Variants in IRAG2 observed in about 807,000 individuals in gnomAD.
The protein encoded by IRAG2 is lymphoid restricted membrane protein.
In IRAG2, 45 loss-of-function variants were observed where a neutral mutation model predicts 69.9. The observed-to-expected ratio is 0.64, with a 90% CI of 0.51 to 0.83. The LOEUF (loss-of-function observed/expected upper bound fraction) is 0.83. Among genes scored for constraint, IRAG2 ranks in the 40% least tolerant of loss-of-function variants. The pLI is 0.00. For missense variants in IRAG2, 520 were observed against 587.0 expected, an observed-to-expected ratio of 0.89 and a Z score of 1.18; for synonymous variants, 193 against 202.4, an observed-to-expected ratio of 0.95 and a Z score of 0.40.
the IRAG2 span, among the ~76,000 whole-genome samples, chr12:24,998,685 C>G: frequency 2.0e-5 from 3 of 151,438 alleles, no homozygotes; most frequent in African/African-American, 7.3e-5. Context: ...TACACACATA[C>G]TTAAATTTTT....
At chr12:25,025,729 A>C (rs992100612) in intron 8 of IRAG2, among the ~76,000 whole-genome samples, 1 of 152,230 alleles carries the variant, frequency 6.6e-6, no homozygotes, top group African/African-American at 2.4e-5. Context: ...GAGTAGTTGC[A>C]GTGGAGGTGG....
rs1323350705 is a variant in IRAG2 at position 25,082,608 on chromosome 12, A to AAC, written c.245-813_245-812dup. 4.3e-3 allele frequency among the ~76,000 whole-genome samples: 345 copies of AAC among 79,372 alleles called. 3 individuals are homozygous for AAC. The highest frequency in any genetic ancestry group is 0.012 in the African/African-American group (323 of 27,750). The allele number at this position is 79,372 out of a possible 152,430, so 52.1% of individuals were successfully genotyped here. On this transcript the variant is annotated intron_variant, in intron 9 of 21. Coordinates refer to ENST00000556887, the MANE Select transcript of IRAG2 (RefSeq NM_001366544.2). ...GAGTGAGACCCTGTCTCAAAAAAAA[A>AAC]ACAAAAAACAAAAACAAACAAAACA...
In IRAG2 at chr12:25,073,643, C is replaced by T. The variant is rs74892346; in HGVS notation, c.24+4212C>T. 2.9e-3 allele frequency among the ~76,000 whole-genome samples: 445 copies of T among 152,278 alleles called. 5 individuals are homozygous for T. The highest frequency in any genetic ancestry group is 0.01 in the African/African-American group (426 of 41,554). On this transcript the variant is annotated intron_variant, in intron 6 of 21. Transcript: ENST00000556887. ...AAGGTTAATGTCTCAAAAAGAACAT[C>T]TCAAAGTAAAATAATTTGGAGCCCT...
exon 1 of IRAG2, chr12:25,004,346 C>T (rs1359506879): frequency 3.2e-6 from 4 of 1,232,022 alleles, no homozygotes; most frequent in Non-Finnish European, 4.0e-6. Context: ...TCAACAATGG[C>T]CTCTCCAAGG....
In IRAG2 at chr12:25,088,087, C is replaced by G. The variant is rs201255191; in HGVS notation, c.316-13C>G. On this transcript the variant is annotated splice_polypyrimidine_tract_variant and intron_variant, in intron 10 of 21. Transcript: ENST00000556887. ...TCCACTCTATGTACAGTGGTAAAAT[C>G]TTATGATTTTAGGAAGCCAAAGAGG... The G allele has an allele frequency of 6.9e-6, 11 of 1,596,334 alleles. No individual in the cohort carries two copies. Among genetic ancestry groups the G allele is most frequent in the Middle Eastern group, 3.3e-4 (2 of 6,026 alleles).
At chr12:25,038,784 G>T (rs1944724188) in intron 16 of IRAG2, among the ~76,000 whole-genome samples, 1 of 152,164 alleles carries the variant, frequency 6.6e-6, no homozygotes, top group African/African-American at 2.4e-5. Flanking sequence ...AGAGGACTAA[G>T]GCATGAAGAG....
intron 4 of IRAG2, among the ~76,000 whole-genome samples, chr12:25,064,816 G>A (rs1040384032): frequency 2.0e-5 from 3 of 152,192 alleles, no homozygotes; most frequent in East Asian, 1.9e-4. Flanking sequence ...CTGGCCAGGT[G>A]CAGTGGCTCA....
Position 25,089,644 on chromosome 12 carries a change from C to G in IRAG2, c.404C>G (p.Thr135Ser). Residue 135 changes from threonine to serine, a missense_variant, in exon 12 of 22, where the codon ACT (threonine) becomes AGT (serine). Coordinates refer to ENST00000556887, the MANE Select transcript of IRAG2 (RefSeq NM_001366544.2). ...DSVVSPLPVT[T>S]VKSVNLRQSE... is the part of the protein sequence containing the mutation. ...GTGGTTTCCCCTCTTCCTGTAACCA[C>G]TGTGAAATCGGTTAACCTTAGACAA... 1 of 1,602,120 alleles carries G rather than the reference C, an allele frequency of 6.2e-7. No homozygotes were observed. Among genetic ancestry groups the G allele is most frequent in the South Asian group, 1.1e-5 (1 of 90,674 alleles).
chr12:25,020,940 C>T (rs189799920), intron 7 of IRAG2: 312 of 1,106,846 alleles, frequency 2.8e-4, no homozygotes, highest in Non-Finnish European at 3.4e-4. Context: ...TTGAATTTGG[C>T]GTATAATTTA....
rs11352951 is a variant in IRAG2, at chr12:25,015,155, G to GTT, written c.897-10_897-9dup. On this transcript the variant is annotated intron_variant, in intron 3 of 38. Transcript: ENST00000636465. ...CAAAGAATCCTAGCTCACTGGTTTT[G>GTT]TTTTTTTTTTTTTTTTTTGGCTACA... The GTT allele has an allele frequency of 5.2e-3, 4,633 of 892,606 alleles. 9 individuals are homozygous for GTT. Among genetic ancestry groups the GTT allele is most frequent in the African/African-American group, 0.018 (734 of 41,014 alleles). 55.3% of individuals were successfully genotyped at this position (892,606 alleles called of 1,614,324 possible).
At chr12:25,104,790 C>T (rs1168491842) in intron 20 of IRAG2, among the ~76,000 whole-genome samples, 1 of 151,996 alleles carries the variant, frequency 6.6e-6, no homozygotes, top group Non-Finnish European at 1.5e-5. Flanking sequence ...AGTAAAATGT[C>T]CATCTATTTA....
intron 2 of IRAG2, among the ~76,000 whole-genome samples, chr12:25,062,075 T>C (rs1299189638): frequency 2.0e-5 from 3 of 152,230 alleles, no homozygotes; most frequent in Non-Finnish European, 2.9e-5. Context: ...AATTAAACTT[T>C]CTATTTCTTT....
chr12:25,018,942 G>A (rs1303161502), intron 6 of IRAG2, among the ~76,000 whole-genome samples: 1 of 152,184 alleles, frequency 6.6e-6, no homozygotes, highest in African/African-American at 2.4e-5. Context: ...TTGTCCAATT[G>A]TCCCATCATA....
At chr12:25,024,336 T>C (rs927555566) in intron 8 of IRAG2, among the ~76,000 whole-genome samples, 1 of 152,250 alleles carries the variant, frequency 6.6e-6, no homozygotes, top group Non-Finnish European at 1.5e-5. Context: ...TTTTCTGGGC[T>C]AATAGTACCT....
At chr12:25,059,785 CA>C (rs767186247) in intron 1 of IRAG2, among the ~76,000 whole-genome samples, 49 of 150,940 alleles carry the variant, frequency 3.2e-4, no homozygotes, top group Middle Eastern at 6.8e-3. Context: ...TTATTTTTAC[CA>C]AAAAAAAGTC....
At chr12:25,038,552 G>A (rs1319754739) in intron 16 of IRAG2, among the ~76,000 whole-genome samples, 4 of 150,648 alleles carry the variant, frequency 2.7e-5, no homozygotes, top group African/African-American at 7.3e-5. Context: ...TGATGCAGGA[G>A]AATTGCTTGA....
chr12:25,105,387 T>TATC (rs1172287019), intron 20 of IRAG2, among the ~76,000 whole-genome samples: 1 of 152,190 alleles, frequency 6.6e-6, no homozygotes, highest in Non-Finnish European at 1.5e-5. Flanking sequence ...TCAGTTTTCA[T>TATC]ATCTGTTAAA....
intron 17 of IRAG2, chr12:25,103,301 A>G (rs1948855809): frequency 6.5e-6 from 1 of 152,900 alleles, no homozygotes; most frequent in African/African-American, 2.4e-5. Context: ...AAATGAAACC[A>G]TGAACAAAAA....
At chr12:25,064,176 G>A (rs1945819737) in intron 4 of IRAG2, among the ~76,000 whole-genome samples, 1 of 152,184 alleles carries the variant, frequency 6.6e-6, no homozygotes, top group Admixed American at 6.5e-5. Context: ...GACTAGCAAG[G>A]AGACAAGACC....
Sources: gnomAD v4.1 joint callset for allele counts (sites outside exome capture counted in the v4.1 genomes callset) on GRCh38, gnomAD v4.1.1 for gene constraint, MANE v1.5 for transcripts, NCBI Gene and HGNC (gene_info 2026-07-23, HGNC 2026-07-21) for gene names.